SYNJ2: variants seen among roughly 807,000 people sequenced by gnomAD.
The protein encoded by SYNJ2 is polyphosphatidylinositol phosphatase SYNJ2.
Under a neutral mutation model 141.3 loss-of-function variants are expected in SYNJ2, and 116 were observed. The ratio of observed to expected loss-of-function variants is 0.82; its 90% confidence interval spans 0.71 to 0.96. The LOEUF (loss-of-function observed/expected upper bound fraction) is 0.96, where lower values mean the gene tolerates loss of function less well. Ranked by LOEUF, SYNJ2 falls within the 40% of genes least tolerant of loss-of-function variation. The pLI is 0.00. For synonymous variants in SYNJ2, 745 were observed against 777.7 expected, an observed-to-expected ratio of 0.96 and a Z score of 0.70; for missense variants, 1,873 against 1,934.8, an observed-to-expected ratio of 0.97 and a Z score of 0.60.
intron 2 of SYNJ2, chr6:158,028,521 C>T (rs561713665): frequency 1.4e-5 from 8 of 577,488 alleles, no homozygotes; most frequent in South Asian, 2.1e-5. Flanking sequence ...CTAACAGGCT[C>T]CCAGGGGATG....
chr6:158,087,183 C>CA (rs1660332498), intron 23 of SYNJ2, among the ~76,000 whole-genome samples, 194 bp downstream of exon 23: 2 of 152,308 alleles, frequency 1.3e-5, no homozygotes, highest in South Asian at 4.1e-4. Flanking sequence ...TTTCTCATGG[C>CA]AAATGAAACA....
intron 2 of SYNJ2, among the ~76,000 whole-genome samples, chr6:158,020,837 G>T (rs776938473): frequency 3.3e-5 from 5 of 152,246 alleles, no homozygotes; most frequent in Non-Finnish European, 5.9e-5. Context: ...TTTGGGACAA[G>T]TTTTCCCTTA....
chr6:158,015,804 A>C (rs1455438885), intron 1 of SYNJ2, among the ~76,000 whole-genome samples: 1 of 152,206 alleles, frequency 6.6e-6, no homozygotes, highest in African/African-American at 2.4e-5. Flanking sequence ...ACTAGATTTC[A>C]ATAAGATTGG....
chr6:158,001,563 A>C (rs11756336), intron 1 of SYNJ2: 65,440 of 151,354 alleles, frequency 0.43, 14,259 homozygotes, highest in African/African-American at 0.48. Flanking sequence ...ACGCCCGGCT[A>C]ATTGTCTTGT....
At position 158,071,748 on chromosome 6, in the gene SYNJ2, G is replaced by A. The variant is rs779360490; in HGVS notation, c.2087G>A (p.Arg696Gln). The A allele has an allele frequency of 1.5e-5, 24 of 1,613,796 alleles. No homozygotes were observed. The highest frequency in any genetic ancestry group is 1.0e-4 in the Admixed American group (6 of 60,008). The stretch of plus-strand genomic sequence containing the variant: ...GCCGGGCAGTCCCAGGTGAAGGAGC[G>A]GAATGAAGACTACAAGGAGATCACC... The part of the protein sequence containing the change: ...LTAGQSQVKE[R>Q]NEDYKEITQK... Residue 696 changes from arginine (R) to glutamine (Q), a missense_variant, in exon 15 of 27, where the codon CGG (arginine) becomes CAG (glutamine). Physicochemically the swap from Arg to Gln is conservative, Grantham distance 43. Transcript: ENST00000355585. The surrounding 1 kb of genome is among the most constrained non-coding windows in gnomAD (Gnocchi z 4.3).
Position 158,074,658 on chromosome 6 carries a change from G to T in SYNJ2, c.2212G>T (p.Val738Phe), listed in dbSNP as rs369700198. The change falls in exon 16 of 27, where the codon GTC becomes TTC. Residue 738 changes from valine (V) to phenylalanine (F), a missense_variant. Transcript: ENST00000355585. ...NYRIDLTYEE[V>F]FYFVKRQDWK... ...CCGCATTGATCTTACTTATGAAGAA[G>T]TCTTCTATTTTGTTAAACGCCAAGA... 1 of 1,614,066 alleles carries T rather than the reference G, an allele frequency of 6.2e-7. No individual in the cohort carries two copies. The highest frequency in any genetic ancestry group is 8.5e-7 in the Non-Finnish European group (1 of 1,179,996).
At chr6:158,087,284 C>T (rs956408957) in intron 23 of SYNJ2, among the ~76,000 whole-genome samples, 20 of 152,306 alleles carry the variant, frequency 1.3e-4, no homozygotes, top group African/African-American at 4.8e-4. Context: ...AGAATGGGGG[C>T]CGCAGCCATG....
chr6:158,032,599 G>A (rs770829986), intron 3 of SYNJ2, among the ~76,000 whole-genome samples: 5 of 152,210 alleles, frequency 3.3e-5, no homozygotes, highest in South Asian at 2.1e-4. Context: ...CGTGAAGAGC[G>A]CGGGCTCCAA....
Position 158,094,506 on chromosome 6 carries a change from G to A in SYNJ2, c.3745-1112G>A, listed in dbSNP as rs113934220. On this transcript the variant is annotated intron_variant, in intron 26 of 26. Transcript: ENST00000355585. ...AGTATGCTTTCTACGGAACATTAGC[G>A]CTTGTGCACTAGGGTGAAGTGGAAA... is the stretch of plus-strand genomic sequence containing the variant. Among the ~76,000 whole-genome samples, 622 of 151,716 alleles carry A rather than the reference G, an allele frequency of 4.1e-3. 2 individuals carry two copies. The highest frequency in any genetic ancestry group is 0.014 in the African/African-American group (570 of 41,336).
At position 158,040,223 on chromosome 6, in the gene SYNJ2, G is replaced by A. The variant is rs1157154402; in HGVS notation, c.712-3093G>A. ...TGCGTGGTATGTGCATTTATGTGTT[G>A]TACATGTGTGTATGTGTCATGTGCA... On this transcript the variant is annotated intron_variant, in intron 4 of 26. Transcript: ENST00000355585. The surrounding 1 kb of genome is among the most constrained non-coding windows in gnomAD (Gnocchi z 4.2). 2.0e-5 allele frequency among the ~76,000 whole-genome samples: 3 copies of A among 148,214 alleles called. No homozygotes were observed. The highest frequency in any genetic ancestry group is 1.9e-4 in the East Asian group (1 of 5,178).
In SYNJ2 at chr6:158,086,864, A is replaced by G; in HGVS notation, c.3218A>G (p.Asp1073Gly). ...CCGCCATGTCCTCCAGATGACGCGGACCTGGTGGAGCTCAAGCGGGAGCTG... is the reference window on the plus strand; with the variant it reads ...CCGCCATGTCCTCCAGATGACGCGGGCCTGGTGGAGCTCAAGCGGGAGCTG... Reference protein sequence around the residue: ...KQHPTYKDDADLVELKRELEA... With the variant: ...KQHPTYKDDAGLVELKRELEA... Residue 1073 changes from aspartate to glycine, a missense_variant, in exon 23 of 27, where the codon GAC (aspartate) becomes GGC (glycine). Physicochemically the swap from Asp to Gly is moderately conservative, Grantham distance 94. Transcript: ENST00000355585. 1 of 1,611,700 alleles carries G rather than the reference A, an allele frequency of 6.2e-7. No individual in the cohort carries two copies.
At chr6:158,006,527 C>G (rs1370071123) in intron 1 of SYNJ2, among the ~76,000 whole-genome samples, 1 of 152,214 alleles carries the variant, frequency 6.6e-6, no homozygotes, top group Non-Finnish European at 1.5e-5. Context: ...CTTGTATCTT[C>G]TTGGTCACTT....
rs1259146490 is a variant in SYNJ2, at chr6:158,041,405, A to C, written c.712-1911A>C. On this transcript the variant is annotated intron_variant, in intron 4 of 26. Transcript: ENST00000355585. ...AATGTATCACTTGCATTTGATGGTC[A>C]AGTTATGCCTACTGCCTTGGGAACA... is the stretch of plus-strand genomic sequence containing the variant. 3.3e-5 allele frequency among the ~76,000 whole-genome samples: 5 copies of C among 152,358 alleles called. No individual in the cohort carries two copies. In the East Asian group the frequency reaches 9.7e-4, roughly 29 times the overall value.
In SYNJ2 at chr6:158,083,347, G is replaced by T. The variant is rs538598162; in HGVS notation, c.2866-82G>T. The T allele has an allele frequency of 4.2e-4, 635 of 1,519,888 alleles. 1 individual carries two copies. Among genetic ancestry groups the T allele is most frequent in the Middle Eastern group, 1.4e-3 (6 of 4,328 alleles). The allele number at this position is 1,519,888 out of a possible 1,614,324, so 94.2% of individuals were successfully genotyped here. A position where few individuals can be genotyped will look rare whatever the true frequency, so the allele number is the denominator to read the frequency against. On this transcript the variant is annotated intron_variant, in intron 20 of 26. Transcript: ENST00000355585. ...AGATTGGCCTCGTTGAGGGTGTGTG[G>T]GTTTTGGTGAGAAGCATTGTGTGAT...
At chr6:158,016,922 C>A (rs1778482772) in intron 1 of SYNJ2, 2 of 1,007,720 alleles carry the variant, frequency 2.0e-6, no homozygotes, top group Non-Finnish European at 2.5e-6. Context: ...CAGGTGCCTG[C>A]CCCCAGCTGG....
In SYNJ2 at chr6:158,059,369, C is replaced by T; in HGVS notation, c.954+16C>T. 1 of 1,549,064 alleles carries T rather than the reference C, an allele frequency of 6.5e-7. No individual in the cohort carries two copies. The highest frequency in any genetic ancestry group is 8.7e-7 in the Non-Finnish European group (1 of 1,146,434). ...AGCCTTCAAGGTAAGGCCAGGCTGT[C>T]CTCTCCACAGCTGGGCTGGGCGGCA... On this transcript the variant is annotated intron_variant, in intron 7 of 26. Transcript: ENST00000355585.
chr6:158,075,639 C>CA (rs1202668490), intron 16 of SYNJ2, among the ~76,000 whole-genome samples: 153 of 136,300 alleles, frequency 1.1e-3, no homozygotes, highest in South Asian at 2.3e-3. Context: ...AACTCCGTCT[C>CA]AAAAAAAAAA....
In SYNJ2 at chr6:158,071,695, C is replaced by T. The variant is rs1384778341; in HGVS notation, c.2034C>T (p.Ser678=). The T allele has an allele frequency of 6.2e-7, 1 of 1,614,010 alleles. No homozygotes were observed. Among genetic ancestry groups the T allele is most frequent in the African/African-American group, 1.3e-5 (1 of 74,948 alleles). The change falls in exon 15 of 27, where the codon AGC becomes AGT. Residue 678 remains serine (S), a synonymous_variant. Coordinates refer to ENST00000355585, the MANE Select transcript of SYNJ2 (RefSeq NM_003898.4). The surrounding 1 kb of genome is among the most constrained non-coding windows in gnomAD (Gnocchi z 4.3). ...VGIRFQFHST[S]FCFICSHLTA... is the part of the protein sequence containing the mutation. ...TCCGCTTCCAGTTCCACAGCACCAG[C>T]TTCTGCTTCATATGTAGTCACCTGA... is the stretch of plus-strand genomic sequence containing the variant.
intron 5 of SYNJ2, 133 bp from the exon 6 acceptor site, chr6:158,054,834 A>C: frequency 1.2e-6 from 1 of 831,998 alleles, no homozygotes; most frequent in Non-Finnish European, 1.9e-6. Flanking sequence ...CTGAGCCCTG[A>C]AGAGACCACA....
Sources: allele counts gnomAD v4.1 joint callset (sites outside exome capture counted in the v4.1 genomes callset), GRCh38; gene constraint gnomAD v4.1.1; non-coding constraint Gnocchi (gnomAD v3.1); transcripts MANE v1.5; gene names NCBI Gene and HGNC (gene_info 2026-07-23, HGNC 2026-07-21).